The following PCNX4 variants were observed in gnomAD, a reference collection of about 807,000 sequenced individuals.
PCNX4 encodes pecanex 4.
Under a neutral mutation model 107.2 loss-of-function variants are expected in PCNX4, and 103 were observed. The observed-to-expected ratio is 0.96, with a 90% CI of 0.82 to 1.13. PCNX4 has a LOEUF of 1.13. Among genes scored for constraint, PCNX4 ranks in the 50% most tolerant of loss-of-function variants. The pLI, the probability that PCNX4 is intolerant of heterozygous loss-of-function variation, is 0.00. For synonymous variants in PCNX4, 541 were observed against 481.7 expected, an observed-to-expected ratio of 1.12 and a Z score of -1.61; for missense variants, 1,528 against 1,379.4, an observed-to-expected ratio of 1.11 and a Z score of -1.71.
rs1896337097 is a variant in PCNX4, at chr14:60,143,841, G to GT, written c.*9622dup. On this transcript the variant is annotated 3_prime_UTR_variant, in exon 11 of 11. Coordinates refer to ENST00000406854, the MANE Select transcript of PCNX4 (RefSeq NM_001330177.2). ...ATAAGGACCATGTTTTTCTTTACCT[G>GT]TTACTCCTGCTGATTTCCTATTAGT... is the stretch of plus-strand genomic sequence containing the variant. The GT allele has an allele frequency of 6.6e-6, 1 of 152,198 alleles. No individual in the cohort carries two copies. The highest frequency in any genetic ancestry group is 2.1e-4 in the South Asian group (1 of 4,832). The allele number at this position is 152,198 out of a possible 1,614,324, so 9.4% of individuals were successfully genotyped here.
rs1394335470 is a variant in PCNX4, at chr14:60,136,622, G to C, written c.*2401G>C. The C allele has an allele frequency of 6.6e-6, 1 of 152,532 alleles. No individual in the cohort carries two copies. Among genetic ancestry groups the C allele is most frequent in the Non-Finnish European group, 1.5e-5 (1 of 68,076 alleles). 9.4% of individuals were successfully genotyped at this position (152,532 alleles called of 1,614,324 possible). A position where few individuals can be genotyped will look rare whatever the true frequency, so the allele number is the denominator to read the frequency against. ...TGTCTAGCATAAAACCTACAGAAGTGGGGGACCAGCTTAATGCCAGAGCCC... is the reference window on the plus strand; with the variant it reads ...TGTCTAGCATAAAACCTACAGAAGTCGGGGACCAGCTTAATGCCAGAGCCC... On this transcript the variant is annotated 3_prime_UTR_variant, in exon 11 of 11. Coordinates refer to ENST00000406854, the MANE Select transcript of PCNX4 (RefSeq NM_001330177.2).
intron 8 of PCNX4, among the ~76,000 whole-genome samples, chr14:60,122,464 A>G (rs1595174368): frequency 1.3e-5 from 2 of 151,536 alleles, no homozygotes; most frequent in East Asian, 3.9e-4. Context: ...GCATATAATC[A>G]CCTAACTCCC....
chr14:60,129,084 T>G (rs1028344883), intron 10 of PCNX4, among the ~76,000 whole-genome samples: 1 of 151,550 alleles, frequency 6.6e-6, no homozygotes, highest in African/African-American at 2.4e-5. Context: ...GGTGTGGTGG[T>G]GGGTGCCTGT....
chr14:60,117,150 G>C (rs1260300092), intron 6 of PCNX4, among the ~76,000 whole-genome samples: 1 of 152,166 alleles, frequency 6.6e-6, no homozygotes, highest in Non-Finnish European at 1.5e-5. Context: ...TAAGAGTACA[G>C]TGTTTTAAAA....
intron 2 of PCNX4, among the ~76,000 whole-genome samples, chr14:60,114,175 CAA>C (rs1207857590): frequency 1.3e-5 from 2 of 152,194 alleles, no homozygotes; most frequent in African/African-American, 2.4e-5. Flanking sequence ...CAGTACAAGA[CAA>C]AGAGGAAGAG....
In PCNX4 at chr14:60,137,001, A is replaced by G. The variant is rs1896248161; in HGVS notation, c.*2780A>G. 2.0e-5 allele frequency: 3 copies of G among 152,332 alleles called. No individual in the cohort carries two copies. Among genetic ancestry groups the G allele is most frequent in the African/African-American group, 7.2e-5 (3 of 41,452 alleles). The allele number at this position is 152,332 out of a possible 1,614,324, so 9.4% of individuals were successfully genotyped here. ...CTAACGTTACTGAATTTTCCCTAAAACCTACTTTTCTACTTCTAACTTTTA... is the reference window on the plus strand; with the variant it reads ...CTAACGTTACTGAATTTTCCCTAAAGCCTACTTTTCTACTTCTAACTTTTA... On this transcript the variant is annotated 3_prime_UTR_variant, in exon 11 of 11. Coordinates refer to ENST00000406854, the MANE Select transcript of PCNX4 (RefSeq NM_001330177.2).
intron 1 of PCNX4, 32 bp downstream of exon 1, chr14:60,092,451 C>T (rs1209129563): frequency 6.6e-6 from 1 of 152,274 alleles, no homozygotes; most frequent in Non-Finnish European, 1.5e-5. Flanking sequence ...CACCTCGGGA[C>T]TTCTTCGGCA....
intron 7 of PCNX4, among the ~76,000 whole-genome samples, chr14:60,119,717 T>TA (rs2140555373): frequency 6.6e-6 from 1 of 152,280 alleles, no homozygotes; most frequent in South Asian, 2.1e-4. Flanking sequence ...AGTAATTAGA[T>TA]AAAAATTATA....
In PCNX4 at chr14:60,143,152, A is replaced by C. The variant is rs533627400; in HGVS notation, c.*8931A>C. 1 of 152,280 alleles carries C rather than the reference A, an allele frequency of 6.6e-6. No individual in the cohort carries two copies. The highest frequency in any genetic ancestry group is 1.9e-4 in the East Asian group (1 of 5,174). 9.4% of individuals were successfully genotyped at this position (152,280 alleles called of 1,614,324 possible). On this transcript the variant is annotated 3_prime_UTR_variant, in exon 11 of 11. Transcript: ENST00000406854. ...AACTGACCTGGAACCTGGCCTCCTG[A>C]AGCTTCTCTTCATCTGTCTAAATTC...
intron 10 of PCNX4, among the ~76,000 whole-genome samples, chr14:60,128,664 T>C (rs1896098959): frequency 6.6e-6 from 1 of 152,062 alleles, no homozygotes; most frequent in African/African-American, 2.4e-5. Flanking sequence ...AGAGCACCAA[T>C]AAAGGTAACT....
intron 1 of PCNX4, among the ~76,000 whole-genome samples, chr14:60,105,975 C>T (rs1344520599): frequency 6.6e-6 from 1 of 152,198 alleles, no homozygotes; most frequent in East Asian, 1.9e-4. Context: ...TGCTTATCCC[C>T]TCCCACAAGA....
intron 1 of PCNX4, among the ~76,000 whole-genome samples, chr14:60,093,163 A>G (rs139509890): frequency 6.6e-5 from 10 of 152,296 alleles, no homozygotes; most frequent in Non-Finnish European, 1.2e-4. Context: ...GCTGCCTTCT[A>G]ATTATTAACT....
At position 60,112,551 on chromosome 14, in the gene PCNX4, A is replaced by T. The variant is rs138027091; in HGVS notation, c.690-2149A>T. On this transcript the variant is annotated intron_variant, in intron 2 of 10. Transcript: ENST00000406854. ...ATTACTTCAATTATGTTATCCTTGT[A>T]TACGAATACTTTACTTTGCCATTGC... Among the ~76,000 whole-genome samples, 7 of 152,362 alleles carry T rather than the reference A, an allele frequency of 4.6e-5. No homozygotes were observed. In the South Asian group the frequency reaches 8.3e-4, roughly 18 times the overall value.
intron 10 of PCNX4, among the ~76,000 whole-genome samples, chr14:60,127,589 T>C (rs1366656008): frequency 1.3e-5 from 2 of 152,156 alleles, no homozygotes; most frequent in Non-Finnish European, 2.9e-5. Context: ...TTCACTACAA[T>C]AAGCCAGCCA....
chr14:60,112,742 C>T (rs997536619), intron 2 of PCNX4, among the ~76,000 whole-genome samples: 1 of 152,108 alleles, frequency 6.6e-6, no homozygotes, highest in African/African-American at 2.4e-5. Flanking sequence ...GACCTTCCTG[C>T]GGCTTACTAT....
intron 1 of PCNX4, among the ~76,000 whole-genome samples, chr14:60,094,539 C>T (rs1895382089): frequency 6.6e-6 from 1 of 152,082 alleles, no homozygotes; most frequent in Non-Finnish European, 1.5e-5. Flanking sequence ...AAGCAAAGGC[C>T]CAACTGAAGG....
intron 9 of PCNX4, 134 bp from the exon 10 acceptor site, chr14:60,125,503 T>C: frequency 1.3e-6 from 1 of 790,776 alleles, no homozygotes; most frequent in Non-Finnish European, 1.8e-6. Flanking sequence ...CTGCATCATT[T>C]CTTCCTCCAC....
chr14:60,115,394 T>C lies in PCNX4; in HGVS notation c.1290T>C (p.Thr430=). ...PFYPKDVQTV[T]VFFEKQTRLM... ...ATCCGAAGGATGTGCAAACTGTGAC[T>C]GTATTCTTTGAGAAGCAAACTAGGC... Residue 430 remains threonine, a synonymous_variant, in exon 4 of 11, where the codon ACT becomes ACC. Coordinates refer to ENST00000406854, the MANE Select transcript of PCNX4 (RefSeq NM_001330177.2). 1 of 1,577,524 alleles carries C rather than the reference T, an allele frequency of 6.3e-7. No individual in the cohort carries two copies. Among genetic ancestry groups the C allele is most frequent in the Non-Finnish European group, 8.6e-7 (1 of 1,163,788 alleles).
At position 60,118,574 on chromosome 14, in the gene PCNX4, G is replaced by T. The variant is rs754022910; in HGVS notation, c.1824G>T (p.Gln608His). The change falls in exon 7 of 11, where the codon CAG becomes CAT. Residue 608 changes from glutamine (Q) to histidine (H), a missense_variant. Physicochemically the swap from Gln to His is conservative, Grantham distance 24. Transcript: ENST00000406854. ...TGGTGGGGTTTCCCCGACCTATTCA[G>T]AGTTGGCCAGGAGCAGCAGGCACCA... ...VFLVGFPRPI[Q>H]SWPGAAGTTA... 55 of 1,613,680 alleles carry T rather than the reference G, an allele frequency of 3.4e-5. 1 individual carries two copies. In the South Asian group the frequency reaches 5.7e-4, roughly 17 times the overall value.
Sources: gnomAD v4.1 joint callset for allele counts (sites outside exome capture counted in the v4.1 genomes callset) on GRCh38, gnomAD v4.1.1 for gene constraint, MANE v1.5 for transcripts, NCBI Gene and HGNC (gene_info 2026-07-23, HGNC 2026-07-21) for gene names.